Variants in ANP32A observed in about 807,000 individuals in gnomAD.
ANP32A encodes the protein acidic leucine-rich nuclear phosphoprotein 32 family member A.
A neutral mutation model predicts 33.9 loss-of-function variants in ANP32A; 1 was observed. The observed-to-expected ratio is 0.03, with a 90% CI of 0.01 to 0.14. ANP32A has a LOEUF of 0.14. Among genes scored for constraint, ANP32A ranks in the 10% least tolerant of loss-of-function variants. The pLI, the probability that ANP32A is intolerant of heterozygous loss-of-function variation, is 1.00. For missense variants in ANP32A, 155 were observed against 306.0 expected (o/e 0.51, Z 3.68); for synonymous variants, 115 against 120.5 (o/e 0.95, Z 0.30).
chr15:68,808,631 G>A (rs1894271161), intron 1 of ANP32A, among the ~76,000 whole-genome samples: 1 of 152,184 alleles, frequency 6.6e-6, no homozygotes, highest in African/African-American at 2.4e-5. Context: ...TGAAGCCAAT[G>A]GCTAAGGTGA....
chr15:68,800,092 A>G (rs1370323824), intron 1 of ANP32A, among the ~76,000 whole-genome samples: 1 of 152,214 alleles, frequency 6.6e-6, no homozygotes, highest in Non-Finnish European at 1.5e-5. Context: ...GACCGTGGGC[A>G]AAGAGCTTCA....
intron 1 of ANP32A, among the ~76,000 whole-genome samples, chr15:68,815,330 G>A (rs376009150): frequency 6.6e-6 from 1 of 152,088 alleles, no homozygotes; most frequent in East Asian, 1.9e-4. Context: ...CACTACATAG[G>A]GACTTTTATA....
chr15:68,806,507 C>G (rs545017226), intron 1 of ANP32A, among the ~76,000 whole-genome samples: 4 of 152,210 alleles, frequency 2.6e-5, no homozygotes, highest in Non-Finnish European at 5.9e-5. Flanking sequence ...CTGGAGGGCT[C>G]TCCTCTAGAA....
chr15:68,813,661 G>A (rs1328983218), intron 1 of ANP32A, among the ~76,000 whole-genome samples: 1 of 152,128 alleles, frequency 6.6e-6, no homozygotes, highest in African/African-American at 2.4e-5. Flanking sequence ...GATGCTGGTG[G>A]CAAACATTTC....
At chr15:68,794,607 C>T (rs187536060) in intron 1 of ANP32A, among the ~76,000 whole-genome samples, 18 of 152,340 alleles carry the variant, frequency 1.2e-4, no homozygotes, top group Admixed American at 3.3e-4. Context: ...GATCCCATTT[C>T]AGCTAGAAGG....
At chr15:68,820,652 A>ACC in intron 1 of ANP32A, 46 bp downstream of exon 1, 1 of 1,447,638 alleles carries the variant, frequency 6.9e-7, no homozygotes, top group Non-Finnish European at 9.3e-7. Flanking sequence ...ACACACACAC[A>ACC]AAGTAGGAGA....
chr15:68,787,119 A>C (rs2140360810), intron 3 of ANP32A: 1 of 360,596 alleles, frequency 2.8e-6, no homozygotes, highest in Admixed American at 3.9e-5. Flanking sequence ...AGGTTTCCAA[A>C]GCTGAGCAGA....
intron 1 of ANP32A, among the ~76,000 whole-genome samples, chr15:68,811,900 C>A (rs1894317541): frequency 3.1e-5 from 1 of 32,198 alleles, no homozygotes; most frequent in South Asian, 2.6e-3. Context: ...CGACACCCGG[C>A]TGATTTTTTT....
At chr15:68,788,324 T>C (rs56718390) in intron 1 of ANP32A, among the ~76,000 whole-genome samples, 5,553 of 152,130 alleles carry the variant, frequency 0.037, 353 homozygotes, top group African/African-American at 0.13. Context: ...CTTCTGGGCC[T>C]TGCCCCGCCA....
At chr15:68,818,276 T>C (rs1303993913) in intron 1 of ANP32A, 2 of 273,476 alleles carry the variant, frequency 7.3e-6, no homozygotes, top group Admixed American at 4.1e-5. Context: ...CGTCGCGGCA[T>C]GGCCACCAGC....
intron 1 of ANP32A, among the ~76,000 whole-genome samples, chr15:68,794,635 C>T (rs918822896): frequency 1.3e-5 from 2 of 152,174 alleles, no homozygotes; most frequent in Non-Finnish European, 2.9e-5. Context: ...GTCTGAGACA[C>T]CAAGGTTTTA....
chr15:68,782,764 C>T, intron 5 of ANP32A, 192 bp downstream of exon 5: 1 of 1,049,140 alleles, frequency 9.5e-7, no homozygotes, highest in Non-Finnish European at 1.3e-6. Context: ...CCAGCCTCCC[C>T]AGAGCTTACT....
chr15:68,791,065 T>G (rs1004397039), intron 1 of ANP32A: 2 of 152,230 alleles, frequency 1.3e-5, no homozygotes, highest in African/African-American at 4.8e-5. Context: ...CTCTCTCCTG[T>G]CCCTTCTCCC....
chr15:68,807,426 A>T (rs1349268362), intron 1 of ANP32A, among the ~76,000 whole-genome samples: 1 of 32,936 alleles, frequency 3.0e-5, no homozygotes, highest in Non-Finnish European at 2.1e-4. Flanking sequence ...TCCACAGAAA[A>T]CGGGGGGGGG....
Position 68,780,176 on chromosome 15 carries a change from T to G in ANP32A, c.689-34A>C. 6.2e-7 allele frequency: 1 copy of G among 1,612,618 alleles called. No individual in the cohort carries two copies. The highest frequency in any genetic ancestry group is 8.5e-7 in the Non-Finnish European group (1 of 1,179,076). The stretch of plus-strand genomic sequence containing the variant: ...GTAAGAAAGCGGCATTTAGATTAGT[T>G]ATTAATCCCACCTCTTTAACTCAAC... On this transcript the variant is annotated intron_variant, in intron 6 of 6. Coordinates refer to ENST00000465139, the MANE Select transcript of ANP32A (RefSeq NM_006305.4). This position sits in a 1 kb window ranked among gnomAD's most constrained non-coding sequence, Gnocchi z 4.3.
At chr15:68,804,862 C>A (rs1894194127) in intron 1 of ANP32A, among the ~76,000 whole-genome samples, 1 of 152,256 alleles carries the variant, frequency 6.6e-6, no homozygotes, top group Admixed American at 6.5e-5. Context: ...TGAAATTATC[C>A]AGCCCTCATA....
intron 1 of ANP32A, among the ~76,000 whole-genome samples, chr15:68,817,036 G>C (rs925162671): frequency 6.6e-6 from 1 of 152,218 alleles, no homozygotes; most frequent in African/African-American, 2.4e-5. Flanking sequence ...GGCAGCCTCT[G>C]CTGGACACTG....
chr15:68,787,999 G>T, intron 1 of ANP32A, 80 bp from the exon 2 acceptor site: 3 of 1,544,244 alleles, frequency 1.9e-6, no homozygotes, highest in Admixed American at 1.7e-5. Context: ...ACTCCTCAGA[G>T]AACAGGGAGA....
At chr15:68,800,439 GA>G (rs34889703) in intron 1 of ANP32A, among the ~76,000 whole-genome samples, 44,914 of 143,770 alleles carry the variant, frequency 0.31, 8,931 homozygotes, top group Non-Finnish European at 0.45. Flanking sequence ...ATGCTGCAAA[GA>G]AAAAAAAAAA....
Sources: allele counts gnomAD v4.1 joint callset (sites outside exome capture counted in the v4.1 genomes callset), GRCh38; gene constraint gnomAD v4.1.1; non-coding constraint Gnocchi (gnomAD v3.1); transcripts MANE v1.5; gene names NCBI Gene and HGNC (gene_info 2026-07-23, HGNC 2026-07-21).